The following KDM4B variants were observed in gnomAD, a reference collection of about 807,000 sequenced individuals.
KDM4B encodes lysine demethylase 4B, also known as lysine-specific demethylase 4B.
A neutral mutation model predicts 125.2 loss-of-function variants in KDM4B; 32 were observed. The observed-to-expected ratio is 0.26, with a 90% confidence interval of 0.19 to 0.34. The LOEUF (loss-of-function observed/expected upper bound fraction) is 0.34. Ranked by LOEUF, KDM4B falls within the 10% of genes least tolerant of loss-of-function variation. KDM4B has a pLI of 1.00. For synonymous variants in KDM4B, 721 were observed against 677.9 expected (o/e 1.06, Z -0.99); for missense variants, 1,190 against 1,577.7 (o/e 0.75, Z 4.16).
intron 1 of KDM4B, among the ~76,000 whole-genome samples, chr19:5,013,469 C>G (rs1008671454): frequency 6.6e-6 from 1 of 152,202 alleles, no homozygotes; most frequent in African/African-American, 2.4e-5. Flanking sequence ...TCTCCCATGC[C>G]TGGAGGAGAG....
Position 5,127,476 on chromosome 19 carries a change from G to A in KDM4B, c.1316-3600G>A, listed in dbSNP as rs141928688. Reference sequence around the variant, plus strand: ...GAGGGCTGGAAACTTGTTCTTGTGAGTTTGAGAATCCAGGGCACCAGCAGG... The same window carrying A: ...GAGGGCTGGAAACTTGTTCTTGTGAATTTGAGAATCCAGGGCACCAGCAGG... On this transcript the variant is annotated intron_variant, in intron 11 of 22. Transcript: ENST00000159111. 1.8e-3 allele frequency among the ~76,000 whole-genome samples: 276 copies of A among 152,346 alleles called. 4 individuals are homozygous for A. The highest frequency in any genetic ancestry group is 6.3e-3 in the African/African-American group (262 of 41,586).
chr19:4,985,288 C>A (rs977905985), intron 1 of KDM4B, among the ~76,000 whole-genome samples: 4 of 152,124 alleles, frequency 2.6e-5, no homozygotes, highest in African/African-American at 9.7e-5. Flanking sequence ...CGCGCCATTG[C>A]GCTCCAGCCT....
chr19:5,142,481 A>AG lies in KDM4B; in HGVS notation c.2551-1483dup, dbSNP rs1271921063. Among the ~76,000 whole-genome samples, 1 of 152,146 alleles carries AG rather than the reference A, an allele frequency of 6.6e-6. No homozygotes were observed. Among genetic ancestry groups the AG allele is most frequent in the African/African-American group, 2.4e-5 (1 of 41,448 alleles). Reference sequence around the variant, plus strand: ...CACGCTTTTCACAACGTGGAGATGCAGGGTCATGGGCTGCCTGCTACCACG... The same window carrying AG: ...CACGCTTTTCACAACGTGGAGATGCAGGGGTCATGGGCTGCCTGCTACCACG... On this transcript the variant is annotated intron_variant, in intron 18 of 22. Coordinates refer to ENST00000159111, the MANE Select transcript of KDM4B (RefSeq NM_015015.3). This position sits in a 1 kb window ranked among gnomAD's most constrained non-coding sequence, Gnocchi z 5.4.
At chr19:5,108,857 C>G (rs984304687) in intron 9 of KDM4B, among the ~76,000 whole-genome samples, 7 of 152,160 alleles carry the variant, frequency 4.6e-5, no homozygotes, top group African/African-American at 1.7e-4. Flanking sequence ...CTGGGCCCGC[C>G]TCTCCCCAGC....
In KDM4B at chr19:5,071,113, G is replaced by A. The variant is rs540877779; in HGVS notation, c.676+54G>A. On this transcript the variant is annotated intron_variant, in intron 7 of 22. Transcript: ENST00000159111. ...ACCTGGGACCAGGTGGGAGGGGCCT[G>A]TGGGTGGGGAAGGGCAGCTGGCGTC... 913 of 1,562,706 alleles carry A rather than the reference G, an allele frequency of 5.8e-4. 14 individuals carry two copies. The South Asian group carries it at 9.8e-3, about 17-fold the overall frequency.
At chr19:5,028,991 A>C (rs1599450446) in intron 2 of KDM4B, among the ~76,000 whole-genome samples, 1 of 151,956 alleles carries the variant, frequency 6.6e-6, no homozygotes, top group East Asian at 1.9e-4. Flanking sequence ...GCTCACTGCA[A>C]CCTCTGCCTT....
At chr19:5,084,235 G>A (rs905438602) in intron 9 of KDM4B, among the ~76,000 whole-genome samples, 15 of 148,636 alleles carry the variant, frequency 1.0e-4, no homozygotes, top group Admixed American at 7.5e-4. Flanking sequence ...CAACAAGAGC[G>A]AAACTGTCTC....
intron 9 of KDM4B, among the ~76,000 whole-genome samples, chr19:5,107,814 A>G (rs889932944): frequency 2.0e-5 from 3 of 152,190 alleles, no homozygotes; most frequent in Non-Finnish European, 4.4e-5. Context: ...GCTGCCCAGC[A>G]CTCAGAAGCG....
chr19:5,017,452 G>A (rs1039325304), intron 2 of KDM4B, among the ~76,000 whole-genome samples: 20 of 152,286 alleles, frequency 1.3e-4, no homozygotes, highest in Middle Eastern at 3.4e-3. Flanking sequence ...CGTGGCCTGC[G>A]CATCTGGAGA....
chr19:5,089,013 T>C (rs1001074217), intron 9 of KDM4B, among the ~76,000 whole-genome samples: 32 of 151,896 alleles, frequency 2.1e-4, no homozygotes, highest in Non-Finnish European at 4.6e-4. Flanking sequence ...AAGCCAGTGC[T>C]CAGAGGCAGG....
rs188795726 is a variant in KDM4B at position 5,006,182 on chromosome 19, G to A, written c.-108-10075G>A. On this transcript the variant is annotated intron_variant, in intron 1 of 22. Transcript: ENST00000159111. ...TGCAGGCCTGCCCTCTTCATGCCTG[G>A]CTCCCCGCAGCCTCTCCCTGTCCCC... 6.4e-3 allele frequency among the ~76,000 whole-genome samples: 976 copies of A among 152,026 alleles called. 10 individuals carry two copies. The highest frequency in any genetic ancestry group is 0.022 in the African/African-American group (921 of 41,466).
chr19:5,020,315 G>GTGTTGGTGTGCAGGTGTTGGTGTGGA lies in KDM4B; in HGVS notation c.-26+4000_-26+4001insGATGTTGGTGTGCAGGTGTTGGTGTG, dbSNP rs2036072774. ...TGTTGGTGTGCAGGTGTTGGTGTGG[G>GTGTTGGTGTGCAGGTGTTGGTGTGGA]TGTTGGTGTGCAGGTGTTGGTGTGT... On this transcript the variant is annotated intron_variant, in intron 2 of 22. Transcript: ENST00000159111. Among the ~76,000 whole-genome samples the GTGTTGGTGTGCAGGTGTTGGTGTGGA allele has an allele frequency of 7.1e-5, 10 of 141,612 alleles. 5 individuals are homozygous for GTGTTGGTGTGCAGGTGTTGGTGTGGA. Among genetic ancestry groups the GTGTTGGTGTGCAGGTGTTGGTGTGGA allele is most frequent in the Non-Finnish European group, 3.1e-5 (2 of 64,330 alleles). 92.9% of individuals were successfully genotyped at this position (141,612 alleles called of 152,430 possible).
intron 1 of KDM4B, among the ~76,000 whole-genome samples, chr19:4,980,750 G>A (rs1195415849): frequency 6.6e-6 from 1 of 152,062 alleles, no homozygotes; most frequent in Non-Finnish European, 1.5e-5. Context: ...TTACCTGGCT[G>A]CATCCTATTC....
intron 2 of KDM4B, among the ~76,000 whole-genome samples, chr19:5,028,169 G>T (rs1338575487): frequency 1.3e-5 from 2 of 152,076 alleles, no homozygotes; most frequent in African/African-American, 4.8e-5. Flanking sequence ...TAGAGATGGG[G>T]TCTCCCTACG....
chr19:5,089,237 TC>T (rs2038610023), intron 9 of KDM4B, among the ~76,000 whole-genome samples: 1 of 152,068 alleles, frequency 6.6e-6, no homozygotes, highest in African/African-American at 2.4e-5. Flanking sequence ...TCTCAGCAAA[TC>T]AGGAACAGTA....
At chr19:5,015,374 C>T (rs2035860664) in intron 1 of KDM4B, among the ~76,000 whole-genome samples, 1 of 152,096 alleles carries the variant, frequency 6.6e-6, no homozygotes, top group African/African-American at 2.4e-5. Context: ...GCCTCAGCCT[C>T]CTGAGTAGCT....
rs757266434 is a variant in KDM4B, at chr19:5,137,656, G to T, written c.2421G>T (p.Leu807=). 6.3e-7 allele frequency: 1 copy of T among 1,596,878 alleles called. No individual in the cohort carries two copies. Among genetic ancestry groups the T allele is most frequent in the South Asian group, 1.1e-5 (1 of 90,072 alleles). ...CCLCNLRGGA[L]QMTTDRRWIH... ...TGTGCAACCTGCGAGGAGGTGCGCTGCAGATGACCACCGATAGGAGGTGGG... is the reference window on the plus strand; with the variant it reads ...TGTGCAACCTGCGAGGAGGTGCGCTTCAGATGACCACCGATAGGAGGTGGG... The change falls in exon 17 of 23, where the codon CTG becomes CTT. Residue 807 remains leucine (L), a synonymous_variant. Coordinates refer to ENST00000159111, the MANE Select transcript of KDM4B (RefSeq NM_015015.3).
intron 9 of KDM4B, among the ~76,000 whole-genome samples, chr19:5,109,865 C>A (rs141228390): frequency 3.7e-4 from 57 of 152,336 alleles, no homozygotes; most frequent in African/African-American, 1.2e-3. Flanking sequence ...CTGTTGTCTC[C>A]CTTCTTCCCA....
rs1484123279 is a variant in KDM4B, at chr19:5,017,367, G to A, written c.-26+1028G>A. Among the ~76,000 whole-genome samples the A allele has an allele frequency of 2.0e-5, 3 of 152,326 alleles. No homozygotes were observed. The East Asian group carries it at 5.8e-4, about 29-fold the overall frequency. On this transcript the variant is annotated intron_variant, in intron 2 of 22. Coordinates refer to ENST00000159111, the MANE Select transcript of KDM4B (RefSeq NM_015015.3). ...AATAAAGTTTTATTGGCACATGGCT[G>A]TGTCCATTTGCCTGAGCATTGTCCC...
Sources: gnomAD v4.1 joint callset for allele counts (sites outside exome capture counted in the v4.1 genomes callset) on GRCh38, gnomAD v4.1.1 for gene constraint, Gnocchi (gnomAD v3.1) non-coding constraint, MANE v1.5 for transcripts, NCBI Gene and HGNC (gene_info 2026-07-23, HGNC 2026-07-21) for gene names.